Variants in PALM2AKAP2 observed in about 807,000 individuals in gnomAD.
PALM2AKAP2 encodes PALM2 and AKAP2 fusion, also known as PALM2-AKAP2 fusion protein.
PALM2AKAP2 carries 37 observed loss-of-function variants against 71.5 expected under a neutral mutation model. That is an observed-to-expected ratio of 0.52 (90% CI 0.40 to 0.68). PALM2AKAP2 has a LOEUF of 0.68. Ranked by LOEUF, PALM2AKAP2 falls within the 30% of genes least tolerant of loss-of-function variation. The pLI is 0.00. For synonymous variants in PALM2AKAP2, 468 were observed against 478.8 expected (o/e 0.98, Z 0.29); for missense variants, 1,224 against 1,191.8 (o/e 1.03, Z -0.40).
rs116041901 is a variant in PALM2AKAP2, at chr9:109,996,969, A to G, written c.497-18985A>G. ...TTTGGGAGGCTGAAGCAGGTGGACC[A>G]CTTGAATCCAGGAGTTCAAGACCAG... On this transcript the variant is annotated intron_variant, in intron 6 of 9. Coordinates refer to the PALM2AKAP2 transcript ENST00000302798. Among the ~76,000 whole-genome samples the G allele has an allele frequency of 9.4e-3, 1,431 of 152,314 alleles. 23 individuals are homozygous for G. Among genetic ancestry groups the G allele is most frequent in the African/African-American group, 0.033 (1,381 of 41,574 alleles).
intron 1 of PALM2AKAP2, among the ~76,000 whole-genome samples, chr9:109,823,883 C>T (rs750024447): frequency 1.3e-5 from 2 of 152,090 alleles, no homozygotes; most frequent in African/African-American, 2.4e-5. Context: ...TCTTTCAAAG[C>T]CTTTGAACCA....
chr9:109,646,715 G>A (rs1247940623), intron 1 of PALM2AKAP2, among the ~76,000 whole-genome samples: 2 of 152,188 alleles, frequency 1.3e-5, no homozygotes, highest in Non-Finnish European at 2.9e-5. Context: ...CACTGTGATA[G>A]GTACTTGCGA....
chr9:110,031,201 C>A (rs1833271786), intron 7 of PALM2AKAP2, among the ~76,000 whole-genome samples: 1 of 152,202 alleles, frequency 6.6e-6, no homozygotes, highest in African/African-American at 2.4e-5. Flanking sequence ...TGGCTCACTG[C>A]AACCTCCACC....
intron 1 of PALM2AKAP2, among the ~76,000 whole-genome samples, chr9:109,712,359 C>T (rs769629967): frequency 2.6e-5 from 4 of 152,188 alleles, no homozygotes; most frequent in Non-Finnish European, 2.9e-5. Context: ...GCTCAAGTCA[C>T]GTTTCAACAT....
rs142368725 is a variant in PALM2AKAP2 at position 109,904,143 on chromosome 9, G to A, written c.258-19592G>A. On this transcript the variant is annotated intron_variant, in intron 3 of 9. Coordinates refer to the PALM2AKAP2 transcript ENST00000302798. ...TGAATAGTACTTGCTCCATGGAGGC[G>A]GGCAGTGTTCTGAGGTATTTTAAAC... Among the ~76,000 whole-genome samples, 1,390 of 152,248 alleles carry A rather than the reference G, an allele frequency of 9.1e-3. 28 individuals carry two copies. Among genetic ancestry groups the A allele is most frequent in the Middle Eastern group, 0.037 (11 of 294 alleles).
chr9:110,098,341 G>A (rs528811), intron 1 of PALM2AKAP2, among the ~76,000 whole-genome samples: 25,223 of 152,066 alleles, frequency 0.17, 2,782 homozygotes, highest in East Asian at 0.37. Flanking sequence ...TAAAAAGTGC[G>A]TGATACTTAA....
At chr9:110,084,503 TG>T (rs964108695) in intron 1 of PALM2AKAP2, among the ~76,000 whole-genome samples, 2 of 152,232 alleles carry the variant, frequency 1.3e-5, no homozygotes. Context: ...TTGGTAACTA[TG>T]GGGGGGTTGG....
At chr9:109,957,728 A>G (rs573507904) in intron 6 of PALM2AKAP2, among the ~76,000 whole-genome samples, 10 of 152,290 alleles carry the variant, frequency 6.6e-5, no homozygotes, top group African/African-American at 2.2e-4. Context: ...AGAACCTGGG[A>G]CATTTTCTCC....
intron 2 of PALM2AKAP2, among the ~76,000 whole-genome samples, chr9:109,873,670 T>C (rs1404403119): frequency 1.3e-5 from 2 of 152,144 alleles, no homozygotes; most frequent in Admixed American, 6.5e-5. Context: ...ATGTATGACA[T>C]CAAAGCCAGA....
At chr9:109,881,703 G>A (rs969299737) in intron 3 of PALM2AKAP2, among the ~76,000 whole-genome samples, 15 of 151,900 alleles carry the variant, frequency 9.9e-5, no homozygotes, top group Admixed American at 6.6e-5. Flanking sequence ...TTACTTGGGA[G>A]CTATAGCCAC....
chr9:110,039,805 C>T (rs1049248000), intron 7 of PALM2AKAP2, among the ~76,000 whole-genome samples: 25 of 152,200 alleles, frequency 1.6e-4, no homozygotes, highest in African/African-American at 6.0e-4. Flanking sequence ...CACTTGGACT[C>T]ATCAACGCCT....
intron 1 of PALM2AKAP2, among the ~76,000 whole-genome samples, chr9:109,808,232 G>A (rs762575177): frequency 6.6e-6 from 1 of 152,190 alleles, no homozygotes; most frequent in Non-Finnish European, 1.5e-5. Context: ...AGGAAGATGT[G>A]GGAAAGTTTG....
chr9:110,008,479 A>G (rs566336349), intron 6 of PALM2AKAP2, among the ~76,000 whole-genome samples: 50 of 151,978 alleles, frequency 3.3e-4, no homozygotes, highest in Non-Finnish European at 6.2e-4. Context: ...ATGGGCCATT[A>G]TAACCTGGTT....
intron 1 of PALM2AKAP2, among the ~76,000 whole-genome samples, chr9:109,716,509 T>G (rs929161659): frequency 6.6e-6 from 1 of 152,206 alleles, no homozygotes; most frequent in African/African-American, 2.4e-5. Context: ...TACTGCTGTT[T>G]ATCTGAATTT....
chr9:110,045,660 C>T (rs1363984359), upstream of PALM2AKAP2, among the ~76,000 whole-genome samples: 3 of 152,032 alleles, frequency 2.0e-5, no homozygotes, highest in South Asian at 2.1e-4. Context: ...CTCTGCCGCC[C>T]GTGTTCAAGC....
intron 1 of PALM2AKAP2, 158 bp from the exon 2 acceptor site, chr9:109,867,333 A>T (rs1450871055): frequency 4.1e-6 from 3 of 731,524 alleles, no homozygotes; most frequent in Non-Finnish European, 6.8e-6. Context: ...TGCTTGCAAC[A>T]CACCCAGAGA....
At chr9:110,040,304 G>C (rs1335446431) in intron 7 of PALM2AKAP2, among the ~76,000 whole-genome samples, 1 of 152,084 alleles carries the variant, frequency 6.6e-6, no homozygotes. Context: ...ACTTAGAGAA[G>C]TAATTAATTT....
chr9:109,941,145 C>CTTTTTTT (rs34635858), intron 6 of PALM2AKAP2, among the ~76,000 whole-genome samples: 6 of 106,274 alleles, frequency 5.6e-5, no homozygotes, highest in African/African-American at 7.4e-5. Flanking sequence ...TCTTCCTCTT[C>CTTTTTTT]TTTTTTTTTT....
intron 1 of PALM2AKAP2, among the ~76,000 whole-genome samples, chr9:109,798,111 C>A (rs564723629): frequency 5.9e-5 from 9 of 152,292 alleles, no homozygotes; most frequent in Non-Finnish European, 1.2e-4. Flanking sequence ...GGATGGCCAG[C>A]TTCTCCCTAT....
Sources: gnomAD v4.1 joint callset for allele counts (sites outside exome capture counted in the v4.1 genomes callset) on GRCh38, gnomAD v4.1.1 for gene constraint, MANE v1.5 for transcripts, NCBI Gene and HGNC (gene_info 2026-07-23, HGNC 2026-07-21) for gene names.